BRINP1: variants seen among roughly 807,000 people sequenced by gnomAD.
BRINP1 encodes the protein BMP/retinoic acid inducible neural specific 1.
BRINP1 carries 17 observed loss-of-function variants against 72.9 expected under a neutral mutation model. The observed-to-expected ratio is 0.23, with a 90% CI of 0.16 to 0.35. The LOEUF (loss-of-function observed/expected upper bound fraction) is 0.35. Ranked by LOEUF, BRINP1 falls within the 10% of genes least tolerant of loss-of-function variation. The pLI is 1.00. For synonymous variants in BRINP1, 418 were observed against 378.5 expected, an observed-to-expected ratio of 1.10 and a Z score of -1.21; for missense variants, 850 against 1,001.6, an observed-to-expected ratio of 0.85 and a Z score of 2.04.
At chr9:119,193,670 A>G (rs145475658) in intron 7 of BRINP1, among the ~76,000 whole-genome samples, 61 of 152,342 alleles carry the variant, frequency 4.0e-4, no homozygotes, top group African/African-American at 1.4e-3. Context: ...CCTCAAATAC[A>G]CACAATACAA....
intron 1 of BRINP1, among the ~76,000 whole-genome samples, chr9:119,367,957 G>A (rs1423645205): frequency 6.6e-6 from 1 of 152,142 alleles, no homozygotes; most frequent in East Asian, 1.9e-4. Flanking sequence ...GGGCTTCCCC[G>A]CCTGAAATGG....
At chr9:119,168,898 T>G (rs768221361) in intron 7 of BRINP1, among the ~76,000 whole-genome samples, 2 of 152,166 alleles carry the variant, frequency 1.3e-5, no homozygotes, top group Admixed American at 1.3e-4. Context: ...TATAAGTCAG[T>G]TCAACCATTG....
chr9:119,258,366 T>G (rs1002906783), intron 2 of BRINP1, among the ~76,000 whole-genome samples: 7 of 152,152 alleles, frequency 4.6e-5, no homozygotes, highest in Non-Finnish European at 7.4e-5. Context: ...GAAAAGCAAG[T>G]GGGATTCTTC....
chr9:119,270,320 A>G (rs1830594613), intron 2 of BRINP1, among the ~76,000 whole-genome samples: 1 of 152,224 alleles, frequency 6.6e-6, no homozygotes, highest in Admixed American at 6.5e-5. Flanking sequence ...AATGAGTCAG[A>G]CAACCTGACT....
At chr9:119,238,353 A>G (rs1476282277) in intron 5 of BRINP1, among the ~76,000 whole-genome samples, 1 of 152,194 alleles carries the variant, frequency 6.6e-6, no homozygotes, top group Non-Finnish European at 1.5e-5. Flanking sequence ...TACAGCATAT[A>G]CAGACACCAA....
At position 119,167,055 on chromosome 9, in the gene BRINP1, A is replaced by C; in HGVS notation, c.*29T>G. On this transcript the variant is annotated 3_prime_UTR_variant, in exon 8 of 8. Transcript: ENST00000265922. This position sits in a 1 kb window ranked among gnomAD's most constrained non-coding sequence, Gnocchi z 4.3. ...TGTTCTGTTGTGTGTGTACAACAACAGGAAAAGTCCATGGCAAGGAGTCCC... is the reference window on the plus strand; with the variant it reads ...TGTTCTGTTGTGTGTGTACAACAACCGGAAAAGTCCATGGCAAGGAGTCCC... 1 of 1,561,102 alleles carries C rather than the reference A, an allele frequency of 6.4e-7. No individual in the cohort carries two copies. The highest frequency in any genetic ancestry group is 2.3e-5 in the East Asian group (1 of 44,326).
At position 119,255,691 on chromosome 9, in the gene BRINP1, C is replaced by T. The variant is rs549381231; in HGVS notation, c.219-6541G>A. On this transcript the variant is annotated intron_variant, in intron 2 of 7. Transcript: ENST00000265922. ...AGGAGAGGCCAGGTGCAGTGGCTCA[C>T]GCTTGTAATCCCAGTACTTTGGGAG... Among the ~76,000 whole-genome samples, 22 of 152,114 alleles carry T rather than the reference C, an allele frequency of 1.4e-4. No individual in the cohort carries two copies. In the East Asian group the frequency reaches 1.7e-3, roughly 12 times the overall value.
rs184475632 is a variant in BRINP1 at position 119,327,555 on chromosome 9, A to G, written c.-50-14150T>C. ...GTTTCATTTTAGATGAATTACTCCA[A>G]CTGCAGGGGTTAGTGGAGAGATTTA... On this transcript the variant is annotated intron_variant, in intron 1 of 7. Transcript: ENST00000265922. Among the ~76,000 whole-genome samples the G allele has an allele frequency of 4.2e-4, 64 of 152,312 alleles. No individual in the cohort carries two copies. The East Asian group carries it at 8.3e-3, about 20-fold the overall frequency.
intron 1 of BRINP1, among the ~76,000 whole-genome samples, chr9:119,337,687 G>A (rs7038102): frequency 0.15 from 22,318 of 152,178 alleles, 2,088 homozygotes; most frequent in African/African-American, 0.27. Context: ...ATTTTGACAG[G>A]TTGGGAAACT....
chr9:119,315,020 A>G (rs1280919599), intron 1 of BRINP1, among the ~76,000 whole-genome samples: 1 of 152,186 alleles, frequency 6.6e-6, no homozygotes, highest in African/African-American at 2.4e-5. Flanking sequence ...TAGCCAGCTG[A>G]GATCATGTCC....
At chr9:119,298,047 G>T (rs889176535) in intron 2 of BRINP1, among the ~76,000 whole-genome samples, 2 of 152,120 alleles carry the variant, frequency 1.3e-5, no homozygotes, top group South Asian at 2.1e-4. Flanking sequence ...AACTATTCTC[G>T]CACATTTATT....
At position 119,167,642 on chromosome 9, in the gene BRINP1, G is replaced by A. The variant is rs769875663; in HGVS notation, c.1728C>T (p.Asn576=). ...PFSGSHSEGW[N]MPFGEFGYPR... is the part of the protein sequence containing the mutation. ...GGTAGCCAAATTCCCCGAAGGGCAT[G>A]TTCCAGCCCTCCGAATGGCTCCCGC... The change falls in exon 8 of 8, where the codon AAC becomes AAT. Residue 576 remains asparagine, a synonymous_variant. Transcript: ENST00000265922. The surrounding 1 kb of genome is among the most constrained non-coding windows in gnomAD (Gnocchi z 4.3). 5 of 1,613,998 alleles carry A rather than the reference G, an allele frequency of 3.1e-6. No homozygotes were observed. The Admixed American group carries it at 6.7e-5, about 22-fold the overall frequency.
At chr9:119,321,710 C>T (rs1252650016) in intron 1 of BRINP1, among the ~76,000 whole-genome samples, 7 of 152,144 alleles carry the variant, frequency 4.6e-5, no homozygotes, top group African/African-American at 1.2e-4. Flanking sequence ...CCCCCTTGGC[C>T]TCCCAAAGTG....
intron 2 of BRINP1, among the ~76,000 whole-genome samples, chr9:119,298,222 G>A (rs10984471): frequency 4.6e-5 from 7 of 152,254 alleles, no homozygotes; most frequent in South Asian, 2.1e-4. Context: ...TCCAAAGTCC[G>A]TCCCTCATGC....
chr9:119,282,868 C>G, intron 2 of BRINP1: 2 of 985,262 alleles, frequency 2.0e-6, no homozygotes, highest in Non-Finnish European at 2.4e-6. Flanking sequence ...TTACCTCTTA[C>G]GGTTGCGCTT....
intron 1 of BRINP1, among the ~76,000 whole-genome samples, chr9:119,364,020 T>A (rs985735641): frequency 3.4e-4 from 7 of 20,336 alleles, no homozygotes; most frequent in African/African-American, 1.3e-3. Flanking sequence ...ATCCCTCCCT[T>A]TTTTTTTTTT....
At chr9:119,364,812 C>T (rs1831674209) in intron 1 of BRINP1, among the ~76,000 whole-genome samples, 1 of 152,248 alleles carries the variant, frequency 6.6e-6, no homozygotes. Context: ...TCAATATTCA[C>T]TTCCAGGTAG....
intron 1 of BRINP1, among the ~76,000 whole-genome samples, chr9:119,358,393 A>AT (rs1163111664): frequency 6.6e-6 from 1 of 151,414 alleles, no homozygotes; most frequent in Non-Finnish European, 1.5e-5. Flanking sequence ...GTATTAAAAA[A>AT]AAAAAAAAAA....
chr9:119,195,335 A>G (rs1829725993), intron 7 of BRINP1, among the ~76,000 whole-genome samples: 1 of 152,234 alleles, frequency 6.6e-6, no homozygotes, highest in Non-Finnish European at 1.5e-5. Context: ...ATATTATTTG[A>G]CAAGAAAAGA....
Sources: allele counts gnomAD v4.1 joint callset (sites outside exome capture counted in the v4.1 genomes callset), GRCh38; gene constraint gnomAD v4.1.1; non-coding constraint Gnocchi (gnomAD v3.1); transcripts MANE v1.5; gene names NCBI Gene and HGNC (gene_info 2026-07-23, HGNC 2026-07-21).